MESP1: variants seen among roughly 807,000 people sequenced by gnomAD.
MESP1 encodes mesoderm posterior protein 1.
In MESP1, 22 loss-of-function variants were observed where a neutral mutation model predicts 15.2. The ratio of observed to expected loss-of-function variants is 1.45; its 90% CI spans 1.04 to 2.07. The LOEUF (loss-of-function observed/expected upper bound fraction) is 2.07. Among genes scored for constraint, MESP1 ranks in the 30% most tolerant of loss-of-function variants. The pLI, the probability that MESP1 is intolerant of heterozygous loss-of-function variation, is 0.00. For synonymous variants in MESP1, 216 were observed against 192.6 expected, an observed-to-expected ratio of 1.12 and a Z score of -1.01; for missense variants, 484 against 411.9, an observed-to-expected ratio of 1.17 and a Z score of -1.51.
At chr15:89,733,353 G>T in the MESP1 span, 1 of 815,590 alleles carries the variant, frequency 1.2e-6, no homozygotes, top group Non-Finnish European at 1.9e-6. Context: ...GTGAGCTTCT[G>T]AAGATCACCA....
the MESP1 span, among the ~76,000 whole-genome samples, chr15:89,740,647 A>G: frequency 2.0e-5 from 3 of 151,856 alleles, no homozygotes; most frequent in African/African-American, 7.3e-5. Flanking sequence ...GATTACAGGC[A>G]TGCGCCACCA....
chr15:89,745,681 A>G (rs1967924159), downstream of MESP1, among the ~76,000 whole-genome samples: 1 of 152,072 alleles, frequency 6.6e-6, no homozygotes, highest in South Asian at 2.1e-4. This position sits in a 1 kb window ranked among gnomAD's most constrained non-coding sequence, Gnocchi z 4.8. Flanking sequence ...GGAAAATGGC[A>G]TGAACCCAGA....
At chr15:89,746,245 A>G (rs1308750223), downstream of MESP1, among the ~76,000 whole-genome samples, 1 of 144,670 alleles carries the variant, frequency 6.9e-6, no homozygotes, top group East Asian at 2.1e-4. Context: ...CACATCATCC[A>G]CATAGCATCC....
At chr15:89,750,261 G>C in intron 1 of MESP1, 34 bp from the exon 2 acceptor site, 1 of 1,610,880 alleles carries the variant, frequency 6.2e-7, no homozygotes, top group Non-Finnish European at 8.5e-7. Context: ...CAGCCCTCAA[G>C]CACTGGTGGC....
downstream of MESP1, among the ~76,000 whole-genome samples, chr15:89,747,182 G>A (rs753554867): frequency 9.3e-5 from 14 of 150,574 alleles, no homozygotes; most frequent in African/African-American, 2.5e-4. Context: ...GCAAAGACAG[G>A]CTTCACCAAC....
chr15:89,737,527 G>A, the MESP1 span: 1 of 1,612,028 alleles, frequency 6.2e-7, no homozygotes. Context: ...TCCTGTGAGG[G>A]ACAGAGTCCA....
chr15:89,732,662 G>C, the MESP1 span, among the ~76,000 whole-genome samples: 1 of 151,330 alleles, frequency 6.6e-6, no homozygotes, highest in South Asian at 2.1e-4. Flanking sequence ...TGAAACAGCT[G>C]TGCCTCCCCC....
At chr15:89,744,265 G>C in the MESP1 span, among the ~76,000 whole-genome samples, 3 of 152,306 alleles carry the variant, frequency 2.0e-5, no homozygotes, top group South Asian at 6.2e-4. Context: ...CACATTCCTT[G>C]TTGGCCAGAC....
chr15:89,747,475 G>A (rs968760964), downstream of MESP1, among the ~76,000 whole-genome samples: 3 of 152,324 alleles, frequency 2.0e-5, no homozygotes, highest in South Asian at 6.2e-4. Context: ...GGGGACCAGC[G>A]GGCAGCTAGT....
At chr15:89,737,923 C>T in the MESP1 span, 1 of 1,340,636 alleles carries the variant, frequency 7.5e-7, no homozygotes. Flanking sequence ...AGTCACAGCT[C>T]AACCCAGATG....
At chr15:89,743,146 G>C in the MESP1 span, 2 of 724,176 alleles carry the variant, frequency 2.8e-6, no homozygotes, top group African/African-American at 3.5e-5. Context: ...TGTGTACCAG[G>C]CTGAGCCCTG....
the MESP1 span, among the ~76,000 whole-genome samples, chr15:89,744,063 TCCCCAGCAGCC>T: frequency 6.6e-6 from 1 of 151,870 alleles, no homozygotes; most frequent in Non-Finnish European, 1.5e-5. Context: ...GACGGAGGGG[TCCCCAGCAGCC>T]CAAGGGATCC....
the MESP1 span, among the ~76,000 whole-genome samples, chr15:89,740,848 G>T: frequency 6.6e-6 from 1 of 151,666 alleles, no homozygotes; most frequent in Admixed American, 6.6e-5. Flanking sequence ...TTTTTAAAAA[G>T]TGTTAAATTG....
the MESP1 span, among the ~76,000 whole-genome samples, chr15:89,742,352 G>A: frequency 1.3e-5 from 2 of 151,964 alleles, no homozygotes; most frequent in Non-Finnish European, 2.9e-5. Context: ...TCCTCTTCCT[G>A]TTTGCCTAAG....
At chr15:89,746,427 C>T (rs542391125), downstream of MESP1, among the ~76,000 whole-genome samples, 1 of 142,948 alleles carries the variant, frequency 7.0e-6, no homozygotes, top group Non-Finnish European at 1.5e-5. Context: ...ACATCCACAC[C>T]GCATCCACAC....
chr15:89,747,094 T>A (rs1967981956), downstream of MESP1, among the ~76,000 whole-genome samples: 1 of 67,132 alleles, frequency 1.5e-5, no homozygotes, highest in African/African-American at 5.9e-5. Context: ...ACAGCCCCAC[T>A]GCCACATACA....
chr15:89,749,511 T>C (rs1384220785), downstream of MESP1: 1 of 152,334 alleles, frequency 6.6e-6, no homozygotes, highest in African/African-American at 2.4e-5. Context: ...CTGATCCTCA[T>C]CCTTCTGTAA....
At chr15:89,747,133 CACACACACACACA>C (rs1567139496), downstream of MESP1, among the ~76,000 whole-genome samples, 8 of 150,912 alleles carry the variant, frequency 5.3e-5, no homozygotes, top group African/African-American at 1.7e-4. Flanking sequence ...CACACACACA[CACACACACACACA>C]CCCCTACCTT....
At chr15:89,743,245 G>C in the MESP1 span, 1 of 1,600,704 alleles carries the variant, frequency 6.2e-7, no homozygotes, top group Non-Finnish European at 8.6e-7. Context: ...CTCGGGAGCT[G>C]GGGAAGTGAG....
Sources: allele counts gnomAD v4.1 joint callset (sites outside exome capture counted in the v4.1 genomes callset), GRCh38; gene constraint gnomAD v4.1.1; non-coding constraint Gnocchi (gnomAD v3.1); transcripts MANE v1.5; gene names NCBI Gene and HGNC (gene_info 2026-07-23, HGNC 2026-07-21).